RAD54B: variants seen among roughly 807,000 people sequenced by gnomAD.
RAD54B encodes the protein DNA repair and recombination protein RAD54B.
RAD54B carries 78 observed loss-of-function variants against 95.8 expected under a neutral mutation model. That is an observed-to-expected ratio of 0.81 (90% CI 0.68 to 0.98). The LOEUF is 0.98. Ranked by LOEUF, RAD54B falls within the 50% of genes least tolerant of loss-of-function variation. RAD54B has a pLI of 0.00. For missense variants in RAD54B, 957 were observed against 1,056.6 expected, an observed-to-expected ratio of 0.91 and a Z score of 1.31; for synonymous variants, 328 against 354.9, an observed-to-expected ratio of 0.92 and a Z score of 0.85.
chr8:94,425,039 G>A (rs1207275317), intron 3 of RAD54B, among the ~76,000 whole-genome samples: 1 of 133,792 alleles, frequency 7.5e-6, no homozygotes, highest in African/African-American at 2.8e-5. Context: ...TCCAGCCTGG[G>A]TGACAGAGCG....
At chr8:94,445,027 C>T (rs2130144054) in intron 3 of RAD54B, among the ~76,000 whole-genome samples, 1 of 152,280 alleles carries the variant, frequency 6.6e-6, no homozygotes, top group South Asian at 2.1e-4. Flanking sequence ...CCTGGAGCTG[C>T]TATAACAAAG....
chr8:94,455,886 G>A (rs1812767447), intron 3 of RAD54B, among the ~76,000 whole-genome samples: 1 of 152,076 alleles, frequency 6.6e-6, no homozygotes, highest in South Asian at 2.1e-4. Flanking sequence ...TCTTAATCCA[G>A]TATGACTTTA....
chr8:94,442,395 A>G (rs532403191), intron 3 of RAD54B, among the ~76,000 whole-genome samples: 35 of 152,084 alleles, frequency 2.3e-4, no homozygotes, highest in Non-Finnish European at 3.7e-4. Context: ...ACATGGTGAA[A>G]CCCCGTCTCT....
At chr8:94,467,169 C>T (rs1255595141) in intron 2 of RAD54B, among the ~76,000 whole-genome samples, 1 of 152,116 alleles carries the variant, frequency 6.6e-6, no homozygotes, top group African/African-American at 2.4e-5. Context: ...CTCAAGTGAT[C>T]CTCCCGCCTC....
At chr8:94,433,037 G>C (rs1025593160) in intron 3 of RAD54B, among the ~76,000 whole-genome samples, 1 of 152,064 alleles carries the variant, frequency 6.6e-6, no homozygotes. Flanking sequence ...TCTCAGTCTT[G>C]TTATCCCCAT....
At chr8:94,406,150 A>T (rs986953084) in intron 5 of RAD54B, among the ~76,000 whole-genome samples, 2 of 152,130 alleles carry the variant, frequency 1.3e-5, no homozygotes, top group African/African-American at 4.8e-5. Flanking sequence ...AAGAGTATAT[A>T]CTAGACACTC....
intron 1 of RAD54B, among the ~76,000 whole-genome samples, chr8:94,473,972 T>C (rs192573791): frequency 1.1e-3 from 171 of 152,312 alleles, no homozygotes; most frequent in African/African-American, 3.9e-3. Flanking sequence ...GTGTTCATGA[T>C]TTTGCCCAAC....
In RAD54B at chr8:94,378,278, A is replaced by G; in HGVS notation, c.2417T>C (p.Val806Ala). Reference protein sequence around the residue: ...TKTSEHIQFSVEELKNLFTLH... With the variant: ...TKTSEHIQFSAEELKNLFTLH... ...TGTGAACAAATTTTTAAGTTCTTCT[A>G]CTGAAAACTGAATATGTTCAGATGT... is the stretch of plus-strand genomic sequence containing the variant. Residue 806 changes from valine (V) to alanine (A), a missense_variant, in exon 14 of 15, where the codon GTA (valine) becomes GCA (alanine). Val to Ala is a moderately conservative substitution (Grantham distance 64). Coordinates refer to ENST00000336148, the MANE Select transcript of RAD54B (RefSeq NM_012415.3). 1 of 1,613,742 alleles carries G rather than the reference A, an allele frequency of 6.2e-7. No individual in the cohort carries two copies. Among genetic ancestry groups the G allele is most frequent in the Non-Finnish European group, 8.5e-7 (1 of 1,179,802 alleles).
Position 94,384,788 on chromosome 8 carries a change from C to T in RAD54B, c.1985+2196G>A, listed in dbSNP as rs1810830240. Among the ~76,000 whole-genome samples the T allele has an allele frequency of 2.0e-5, 3 of 152,112 alleles. No individual in the cohort carries two copies. In the South Asian group the frequency reaches 6.2e-4, roughly 31 times the overall value. On this transcript the variant is annotated intron_variant, in intron 11 of 14. Coordinates refer to ENST00000336148, the MANE Select transcript of RAD54B (RefSeq NM_012415.3). ...AAGTGTAGCTTCTCCTTCAATGCAA[C>T]ATGGCAGGGTTTAGGTTTCTTAAGG...
chr8:94,422,567 G>A (rs112512997), intron 3 of RAD54B, among the ~76,000 whole-genome samples: 2 of 103,378 alleles, frequency 1.9e-5, no homozygotes, highest in East Asian at 3.4e-4. Context: ...CAGCCTGGAC[G>A]ATAGAGCGAG....
At chr8:94,428,947 A>T in intron 3 of RAD54B, 8 of 983,604 alleles carry the variant, frequency 8.1e-6, no homozygotes, top group Non-Finnish European at 8.5e-6. Flanking sequence ...GGTCAAATAA[A>T]TAATTTTCTT....
intron 11 of RAD54B, among the ~76,000 whole-genome samples, chr8:94,382,009 G>A (rs1462413141): frequency 6.6e-6 from 1 of 151,734 alleles, no homozygotes; most frequent in Admixed American, 6.6e-5. Flanking sequence ...AGCTACTCCG[G>A]AGGCTGAAGC....
chr8:94,377,924 C>T (rs958088783), intron 14 of RAD54B, among the ~76,000 whole-genome samples: 10 of 131,372 alleles, frequency 7.6e-5, no homozygotes, highest in African/African-American at 1.2e-4. Flanking sequence ...TGCAGTGAGC[C>T]GAGATCGCGC....
At chr8:94,434,613 T>C (rs976356182) in intron 3 of RAD54B, among the ~76,000 whole-genome samples, 61 of 151,896 alleles carry the variant, frequency 4.0e-4, no homozygotes, top group African/African-American at 1.4e-3. Flanking sequence ...TGTAGAAGTA[T>C]AGTTAAGATT....
intron 3 of RAD54B, among the ~76,000 whole-genome samples, chr8:94,413,925 T>TC (rs1811590759): frequency 1.4e-5 from 2 of 147,460 alleles, no homozygotes; most frequent in South Asian, 4.4e-4. Context: ...AACCTCTGCC[T>TC]CCTGGGTTCA....
chr8:94,445,145 C>T (rs1325354210), intron 3 of RAD54B, among the ~76,000 whole-genome samples: 1 of 152,008 alleles, frequency 6.6e-6, no homozygotes, highest in Non-Finnish European at 1.5e-5. Context: ...TGGTAAGGGC[C>T]CATTTCCTGG....
intron 8 of RAD54B, among the ~76,000 whole-genome samples, chr8:94,395,258 T>C (rs1019819068): frequency 1.3e-5 from 2 of 152,158 alleles, no homozygotes; most frequent in African/African-American, 4.8e-5. Flanking sequence ...AGTGATTTGT[T>C]TGCATGTGAT....
intron 4 of RAD54B, among the ~76,000 whole-genome samples, chr8:94,408,229 C>CT (rs892686744): frequency 5.3e-5 from 8 of 152,180 alleles, no homozygotes; most frequent in Admixed American, 5.2e-4. Context: ...TGTTCTAACT[C>CT]TTTAATAAAA....
intron 3 of RAD54B, chr8:94,432,490 C>T (rs1387218886): frequency 6.4e-7 from 1 of 1,550,576 alleles, no homozygotes; most frequent in South Asian, 1.2e-5. Context: ...AATTCATGTT[C>T]TTCTCTTTGC....
Sources: allele counts gnomAD v4.1 joint callset (sites outside exome capture counted in the v4.1 genomes callset), GRCh38; gene constraint gnomAD v4.1.1; transcripts MANE v1.5; gene names NCBI Gene and HGNC (gene_info 2026-07-23, HGNC 2026-07-21).